Variants in ERCC5 observed in about 807,000 individuals in gnomAD.
The protein encoded by ERCC5 is DNA excision repair protein ERCC-5.
ERCC5 carries 68 observed loss-of-function variants against 105.6 expected under a neutral mutation model. The observed-to-expected ratio is 0.64, with a 90% CI of 0.53 to 0.79. ERCC5 has a LOEUF of 0.79. Ranked by LOEUF, ERCC5 falls within the 30% of genes least tolerant of loss-of-function variation. ERCC5 has a pLI of 0.00. For synonymous variants in ERCC5, 546 were observed against 526.2 expected, an observed-to-expected ratio of 1.04 and a Z score of -0.51; for missense variants, 1,373 against 1,426.7, an observed-to-expected ratio of 0.96 and a Z score of 0.61.
At chr13:102,848,447 G>A (rs1323127855) in intron 1 of ERCC5, among the ~76,000 whole-genome samples, 2 of 152,272 alleles carry the variant, frequency 1.3e-5, no homozygotes, top group East Asian at 3.9e-4. Context: ...AAATAATGCA[G>A]AAGTAAGTTA....
At chr13:102,870,694 T>C (rs1195051088) in intron 12 of ERCC5, among the ~76,000 whole-genome samples, 2 of 152,178 alleles carry the variant, frequency 1.3e-5, no homozygotes, top group Non-Finnish European at 2.9e-5. Context: ...TATTTTTTCC[T>C]TTTTGCATTT....
intron 4 of ERCC5, among the ~76,000 whole-genome samples, chr13:102,855,260 T>C (rs535638113): frequency 6.6e-6 from 1 of 152,246 alleles, no homozygotes; most frequent in South Asian, 2.1e-4. Flanking sequence ...TTTTTTTCTT[T>C]CTTTTTTTTT....
intron 1 of ERCC5, among the ~76,000 whole-genome samples, chr13:102,850,508 G>C (rs1257100724): frequency 6.6e-6 from 1 of 152,130 alleles, no homozygotes; most frequent in Non-Finnish European, 1.5e-5. Context: ...CTTGAAGGCA[G>C]TGGGAAGCTT....
intron 8 of ERCC5, among the ~76,000 whole-genome samples, chr13:102,863,361 C>T (rs1882719015): frequency 6.6e-6 from 1 of 152,130 alleles, no homozygotes; most frequent in Non-Finnish European, 1.5e-5. Flanking sequence ...GAGTTTCCCT[C>T]TAGTTTTTAA....
chr13:102,852,438 TA>T (rs1882242420), intron 2 of ERCC5, 145 bp downstream of exon 2: 1 of 915,518 alleles, frequency 1.1e-6, no homozygotes. Flanking sequence ...TCTACTTTTT[TA>T]TCTTGAACAA....
At position 102,874,584 on chromosome 13, in the gene ERCC5, A is replaced by C. The variant is rs546959386; in HGVS notation, c.2965-723A>C. Among the ~76,000 whole-genome samples the C allele has an allele frequency of 2.3e-4, 35 of 152,144 alleles. No homozygotes were observed. The South Asian group carries it at 2.5e-3, about 11-fold the overall frequency. On this transcript the variant is annotated intron_variant, in intron 14 of 14. Transcript: ENST00000652225. The stretch of plus-strand genomic sequence containing the variant: ...TCTCCCAGGCTGGAGTGCAGTGGTG[A>C]GAACTCGGCTCACTGCAAGCTCCGC...
At position 102,868,101 on chromosome 13, in the gene ERCC5, G is replaced by A. The variant is rs1222232193; in HGVS notation, c.2534-12G>A. The A allele has an allele frequency of 1.9e-6, 3 of 1,610,772 alleles. No individual in the cohort carries two copies. The highest frequency in any genetic ancestry group is 2.2e-5 in the East Asian group (1 of 44,792). ...ATCTTGATAAAAATTAAAAAATATT[G>A]TTACTCTTTAGGATTGGACCGGAAT... On this transcript the variant is annotated splice_polypyrimidine_tract_variant and intron_variant, in intron 11 of 14. Transcript: ENST00000652225.
chr13:102,860,849 G>A (rs1465689371), intron 6 of ERCC5, among the ~76,000 whole-genome samples: 2 of 152,124 alleles, frequency 1.3e-5, no homozygotes, highest in African/African-American at 4.8e-5. Context: ...ATAAGGTTGT[G>A]CAGGACACTT....
chr13:102,861,355 T>A, intron 6 of ERCC5, 152 bp from the exon 7 acceptor site: 2 of 830,260 alleles, frequency 2.4e-6, no homozygotes, highest in Non-Finnish European at 3.7e-6. Flanking sequence ...AAGCTGTAGT[T>A]TTTCTTGTTA....
intron 8 of ERCC5, 104 bp downstream of exon 8, chr13:102,863,207 GGAAC>G: frequency 2.3e-6 from 3 of 1,288,212 alleles, no homozygotes; most frequent in Non-Finnish European, 3.2e-6. Flanking sequence ...TTACAGATAA[GGAAC>G]GAGAGACGTA....
Position 102,866,319 on chromosome 13 carries a change from C to G in ERCC5, c.2257C>G (p.Gln753Glu). ...AGCACAGCAGAATTCACTGAAAGCT[C>G]AAAAACAGCAGCAAGAACGGATCGC... ...LLAQQNSLKA[Q>E]KQQQERIAAT... The change falls in exon 10 of 15, where the codon CAA becomes GAA. Residue 753 changes from glutamine (Q) to glutamate (E), a missense_variant. Gln to Glu is a conservative substitution (Grantham distance 29, BLOSUM62 2). This residue lies in a region of ERCC5 where 1,004 missense variants were observed against 1,059.7 expected (regional missense o/e 0.95). Transcript: ENST00000652225. The G allele has an allele frequency of 6.8e-6, 11 of 1,614,178 alleles. No homozygotes were observed. The highest frequency in any genetic ancestry group is 6.8e-6 in the Non-Finnish European group (8 of 1,180,022).
Position 102,861,668 on chromosome 13 carries a change from A to G in ERCC5, c.834A>G (p.Ser278=). Residue 278 remains serine (S), a synonymous_variant, in exon 7 of 15, where the codon TCA becomes TCG. Coordinates refer to ENST00000652225, the MANE Select transcript of ERCC5 (RefSeq NM_000123.4). ...GGGGCTTTCTGAAGGAGGTAGAGTC[A>G]AGGAGAGTGGTCTCTGAAGACACTT... ...DEGGFLKEVE[S]RRVVSEDTSH... is the part of the protein sequence containing the mutation. The G allele has an allele frequency of 1.2e-6, 2 of 1,614,186 alleles. No homozygotes were observed. The highest frequency in any genetic ancestry group is 1.7e-6 in the Non-Finnish European group (2 of 1,180,022).
chr13:102,871,412 A>C (rs910044359), intron 12 of ERCC5, among the ~76,000 whole-genome samples: 3 of 152,180 alleles, frequency 2.0e-5, no homozygotes, highest in Admixed American at 6.5e-5. Context: ...AAAATGAATA[A>C]AATATAAAGA....
At chr13:102,854,471 C>T in intron 4 of ERCC5, 97 bp downstream of exon 4, 1 of 1,244,262 alleles carries the variant, frequency 8.0e-7, no homozygotes, top group Non-Finnish European at 1.2e-6. Context: ...GGCATGTGAA[C>T]ATTTCTTAAT....
At chr13:102,858,683 A>G (rs889635669) in intron 6 of ERCC5, among the ~76,000 whole-genome samples, 15 of 151,994 alleles carry the variant, frequency 9.9e-5, no homozygotes, top group African/African-American at 3.4e-4. Flanking sequence ...CTGTAATATC[A>G]CTTCATAGTT....
intron 13 of ERCC5, among the ~76,000 whole-genome samples, chr13:102,872,741 A>C (rs1314848082): frequency 5.9e-5 from 9 of 152,170 alleles, no homozygotes; most frequent in Admixed American, 3.3e-4. Flanking sequence ...CTTAGTTTTA[A>C]AGAGGGTCTT....
At chr13:102,849,899 C>T (rs1387043398) in intron 1 of ERCC5, among the ~76,000 whole-genome samples, 1 of 151,894 alleles carries the variant, frequency 6.6e-6, no homozygotes, top group African/African-American at 2.4e-5. Context: ...AGAAATTTAC[C>T]TGCAAATATT....
chr13:102,873,255 G>A lies in ERCC5; in HGVS notation c.2880-4G>A. ...AAATATTTATAAGTCTTAACTGCATGCATATTTTGTCAGCGGTATTTCGGC... is the reference window on the plus strand; with the variant it reads ...AAATATTTATAAGTCTTAACTGCATACATATTTTGTCAGCGGTATTTCGGC... On this transcript the variant is annotated splice_polypyrimidine_tract_variant and splice_region_variant and intron_variant, in intron 13 of 14. Transcript: ENST00000652225. 6.2e-7 allele frequency: 1 copy of A among 1,614,036 alleles called. No homozygotes were observed. The highest frequency in any genetic ancestry group is 8.5e-7 in the Non-Finnish European group (1 of 1,179,978).
rs113119488 is a variant in ERCC5 at position 102,866,775 on chromosome 13, C to A, written c.2463C>A (p.Val821=). 5.0e-6 allele frequency: 8 copies of A among 1,614,220 alleles called. No individual in the cohort carries two copies. The highest frequency in any genetic ancestry group is 4.0e-5 in the African/African-American group (3 of 75,070). Residue 821 remains valine, a synonymous_variant, in exon 11 of 15, where the codon GTC becomes GTA. Coordinates refer to ENST00000652225, the MANE Select transcript of ERCC5 (RefSeq NM_000123.4). ...TCTGGCTGTTTGGAGCGCGGCATGT[C>A]TATAGAAACTTTTTTAATAAAAACA... ...SDIWLFGARH[V]YRNFFNKNKF...
Sources: allele counts gnomAD v4.1 joint callset (sites outside exome capture counted in the v4.1 genomes callset), GRCh38; gene constraint gnomAD v4.1.1; regional missense constraint gnomAD v4.1.1; transcripts MANE v1.5; gene names NCBI Gene and HGNC (gene_info 2026-07-23, HGNC 2026-07-21).